Variants in ITIH5 observed in about 807,000 individuals in gnomAD.
ITIH5 encodes inter-alpha-trypsin inhibitor heavy chain H5.
Under a neutral mutation model 77.5 loss-of-function variants are expected in ITIH5, and 65 were observed. That is an observed-to-expected ratio of 0.84 (90% CI 0.69 to 1.03). ITIH5 has a LOEUF of 1.03. ITIH5 is among the 50% of genes least tolerant of loss of function. The pLI is 0.00. For missense variants in ITIH5, 1,208 were observed against 1,213.1 expected, an observed-to-expected ratio of 1.00 and a Z score of 0.06; for synonymous variants, 525 against 494.3, an observed-to-expected ratio of 1.06 and a Z score of -0.82.
rs746524069 is a variant in ITIH5, at chr10:7,559,857, G to GT, written c.*3225dup. 3.9e-3 allele frequency: 1,761 copies of GT among 452,666 alleles called. 36 individuals are homozygous for GT. The highest frequency in any genetic ancestry group is 0.034 in the African/African-American group (1,639 of 48,590). The allele number at this position is 452,666 out of a possible 1,614,324, so 28.0% of individuals were successfully genotyped here. A position where few individuals can be genotyped will look rare whatever the true frequency, so the allele number is the denominator to read the frequency against. On this transcript the variant is annotated 3_prime_UTR_variant, in exon 14 of 14. Transcript: ENST00000397146. ...CTCTCCCATGTCTTTTTTTTGTTTT[G>GT]TTTTGTTTTTTTTTGACGGAGTTTG...
intron 13 of ITIH5, among the ~76,000 whole-genome samples, chr10:7,564,799 CTG>C (rs1488244266): frequency 2.0e-5 from 3 of 150,958 alleles, no homozygotes; most frequent in Non-Finnish European, 3.0e-5. Context: ...TATATACAGA[CTG>C]TGTGTATATA....
At chr10:7,613,008 G>A (rs1449487737) in intron 7 of ITIH5, among the ~76,000 whole-genome samples, 1 of 152,190 alleles carries the variant, frequency 6.6e-6, no homozygotes. Context: ...ACTTTGGAAA[G>A]CTGAGGTGGG....
At position 7,566,811 on chromosome 10, in the gene ITIH5, A is replaced by C. The variant is rs1252878497; in HGVS notation, c.2150-404T>G. Reference sequence around the variant, plus strand: ...AAGAAGAAGAAGAAGAGGAAGAGGAAGAGGAAGAGGAAGAGGAAGAGGAAG... The same window carrying C: ...AAGAAGAAGAAGAAGAGGAAGAGGACGAGGAAGAGGAAGAGGAAGAGGAAG... On this transcript the variant is annotated intron_variant, in intron 12 of 13. Transcript: ENST00000397146. 3.2e-5 allele frequency among the ~76,000 whole-genome samples: 2 copies of C among 63,248 alleles called. 1 individual carries two copies. Among genetic ancestry groups the C allele is most frequent in the Non-Finnish European group, 5.4e-5 (2 of 37,164 alleles). 41.5% of individuals were successfully genotyped at this position (63,248 alleles called of 152,430 possible). A position where few individuals can be genotyped will look rare whatever the true frequency, so the allele number is the denominator to read the frequency against.
chr10:7,630,084 GCTGA>G (rs1349381723), intron 5 of ITIH5, among the ~76,000 whole-genome samples: 2 of 152,128 alleles, frequency 1.3e-5, no homozygotes, highest in South Asian at 2.1e-4. Flanking sequence ...TAAGAATAAT[GCTGA>G]CTATTTTTTC....
At chr10:7,600,034 T>G (rs554848005) in intron 7 of ITIH5, among the ~76,000 whole-genome samples, 38 of 152,296 alleles carry the variant, frequency 2.5e-4, no homozygotes, top group Admixed American at 2.2e-3. Flanking sequence ...TGTGCTAGAT[T>G]GGATGTGGAT....
At chr10:7,567,319 TTTA>T (rs59350117) in intron 12 of ITIH5, among the ~76,000 whole-genome samples, 2,558 of 139,464 alleles carry the variant, frequency 0.018, 60 homozygotes, top group African/African-American at 0.055. Flanking sequence ...TCGGACATCT[TTTA>T]TTATTATTAT....
At chr10:7,610,986 C>A (rs367639441) in intron 7 of ITIH5, among the ~76,000 whole-genome samples, 1 of 152,210 alleles carries the variant, frequency 6.6e-6, no homozygotes, top group Non-Finnish European at 1.5e-5. Context: ...TTGCATCATG[C>A]GAGGAAATCC....
In ITIH5 at chr10:7,619,773, A is replaced by G. The variant is rs534023026; in HGVS notation, c.653-2491T>C. On this transcript the variant is annotated intron_variant, in intron 5 of 13. Coordinates refer to ENST00000397146, the MANE Select transcript of ITIH5 (RefSeq NM_030569.7). ...GGGGGAAATTCACCTCCATGGTCCA[A>G]TCACCTCCCACCAGGCCACTCCTCC... is the stretch of plus-strand genomic sequence containing the variant. The G allele has an allele frequency of 4.6e-4, 79 of 172,068 alleles. 1 individual carries two copies. The highest frequency in any genetic ancestry group is 1.8e-3 in the African/African-American group (78 of 42,410). 10.7% of individuals were successfully genotyped at this position (172,068 alleles called of 1,614,324 possible).
At chr10:7,648,161 G>A (rs1204478485) in intron 2 of ITIH5, among the ~76,000 whole-genome samples, 3 of 151,490 alleles carry the variant, frequency 2.0e-5, no homozygotes, top group South Asian at 2.1e-4. Context: ...GGAGAATAGC[G>A]TGAACCTGGG....
intron 2 of ITIH5, among the ~76,000 whole-genome samples, chr10:7,644,971 A>C (rs1433573200): frequency 7.0e-6 from 1 of 143,248 alleles, no homozygotes; most frequent in East Asian, 2.0e-4. Flanking sequence ...ATATATATAT[A>C]TCAAGCACAC....
In ITIH5 at chr10:7,559,857, G is replaced by GTTTT; in HGVS notation, c.*3222_*3225dup. On this transcript the variant is annotated 3_prime_UTR_variant, in exon 14 of 14. Transcript: ENST00000397146. ...CTCTCCCATGTCTTTTTTTTGTTTTGTTTTGTTTTTTTTTGACGGAGTTTG... is the reference window on the plus strand; with the variant it reads ...CTCTCCCATGTCTTTTTTTTGTTTTGTTTTTTTTGTTTTTTTTTGACGGAGTTTG... The GTTTT allele has an allele frequency of 8.8e-6, 4 of 452,714 alleles. No individual in the cohort carries two copies. The highest frequency in any genetic ancestry group is 6.2e-5 in the African/African-American group (3 of 48,612). 28.0% of individuals were successfully genotyped at this position (452,714 alleles called of 1,614,324 possible).
intron 8 of ITIH5, 129 bp downstream of exon 8, chr10:7,585,772 C>T (rs1832659818): frequency 2.7e-6 from 2 of 752,468 alleles, no homozygotes; most frequent in South Asian, 2.0e-5. Flanking sequence ...AAGCTCTCGC[C>T]TGCAGTCTCC....
chr10:7,608,341 G>A (rs1014633419), intron 7 of ITIH5, among the ~76,000 whole-genome samples: 2 of 152,152 alleles, frequency 1.3e-5, no homozygotes. Flanking sequence ...GTGCAATGGC[G>A]CCATCATAGC....
chr10:7,624,816 CATATATATGTGTATAT>C (rs1833538393), intron 5 of ITIH5, among the ~76,000 whole-genome samples: 1 of 36,588 alleles, frequency 2.7e-5, no homozygotes, highest in African/African-American at 9.6e-5. Flanking sequence ...TATATATACA[CATATATATGTGTATAT>C]ACATGTATAT....
intron 2 of ITIH5, among the ~76,000 whole-genome samples, chr10:7,654,293 A>T (rs1250700792): frequency 6.6e-6 from 1 of 152,162 alleles, no homozygotes; most frequent in Non-Finnish European, 1.5e-5. Context: ...CTCAATTATC[A>T]GTATGCTTAC....
At chr10:7,664,001 T>C (rs1834320758) in intron 1 of ITIH5, among the ~76,000 whole-genome samples, 1 of 152,210 alleles carries the variant, frequency 6.6e-6, no homozygotes, top group Non-Finnish European at 1.5e-5. Flanking sequence ...AGACACCATA[T>C]AAATTTAAGC....
At chr10:7,638,452 G>C (rs1458177879) in intron 4 of ITIH5, among the ~76,000 whole-genome samples, 2 of 152,168 alleles carry the variant, frequency 1.3e-5, no homozygotes, top group Non-Finnish European at 1.5e-5. Flanking sequence ...AAACGTAAAA[G>C]TGATGTTATC....
At position 7,586,086 on chromosome 10, in the gene ITIH5, G is replaced by C; in HGVS notation, c.940-17C>G. The C allele has an allele frequency of 6.2e-7, 1 of 1,606,480 alleles. No homozygotes were observed. ...ATCCTTGGTCTAGGCAAACACAAAA[G>C]CAAAACCAGTCACAGCTGCTCACAT... On this transcript the variant is annotated splice_polypyrimidine_tract_variant and intron_variant, in intron 7 of 13. Coordinates refer to ENST00000397146, the MANE Select transcript of ITIH5 (RefSeq NM_030569.7).
intron 9 of ITIH5, among the ~76,000 whole-genome samples, chr10:7,579,369 T>C (rs1302649753): frequency 6.6e-6 from 1 of 152,024 alleles, no homozygotes; most frequent in Non-Finnish European, 1.5e-5. Context: ...CTACTAAAAA[T>C]ACAAAATTAG....
Sources: allele counts gnomAD v4.1 joint callset (sites outside exome capture counted in the v4.1 genomes callset), GRCh38; gene constraint gnomAD v4.1.1; transcripts MANE v1.5; gene names NCBI Gene and HGNC (gene_info 2026-07-23, HGNC 2026-07-21).